The following MGAT4C variants were observed in gnomAD, a reference collection of about 807,000 sequenced individuals.
MGAT4C encodes alpha-1,3-mannosyl-glycoprotein 4-beta-N-acetylglucosaminyltransferase C.
A neutral mutation model predicts 40.1 loss-of-function variants in MGAT4C; 19 were observed. That is an observed-to-expected ratio of 0.47 (90% CI 0.33 to 0.70). MGAT4C has a LOEUF of 0.70. Ranked by LOEUF, MGAT4C falls within the 30% of genes least tolerant of loss-of-function variation. The pLI is 0.02. For synonymous variants in MGAT4C, 181 were observed against 187.1 expected (o/e 0.97, Z 0.27); for missense variants, 491 against 563.2 (o/e 0.87, Z 1.30).
intron 2 of MGAT4C, among the ~76,000 whole-genome samples, chr12:86,506,580 A>T (rs907055903): frequency 2.0e-5 from 3 of 152,216 alleles, no homozygotes; most frequent in Non-Finnish European, 4.4e-5. Flanking sequence ...GAAGATAATT[A>T]GACATTAATG....
At chr12:86,377,573 GTTTTAA>G (rs1955853592) in intron 3 of MGAT4C, among the ~76,000 whole-genome samples, 1 of 152,112 alleles carries the variant, frequency 6.6e-6, no homozygotes, top group African/African-American at 2.4e-5. Context: ...TCTTAACGAT[GTTTTAA>G]TTTTAACAGT....
At chr12:86,200,720 G>A (rs1950021067) in intron 1 of MGAT4C, among the ~76,000 whole-genome samples, 1 of 152,142 alleles carries the variant, frequency 6.6e-6, no homozygotes, top group Non-Finnish European at 1.5e-5. Flanking sequence ...GAGAGATGGT[G>A]TTACGGGCTG....
intron 3 of MGAT4C, among the ~76,000 whole-genome samples, chr12:86,343,396 C>A (rs1440844828): frequency 6.6e-6 from 1 of 152,154 alleles, no homozygotes; most frequent in Non-Finnish European, 1.5e-5. Context: ...AAGCATTTTT[C>A]TCCTCCCTTA....
At chr12:85,996,083 C>T (rs1204095976) in intron 2 of MGAT4C, among the ~76,000 whole-genome samples, 1 of 151,992 alleles carries the variant, frequency 6.6e-6, no homozygotes, top group East Asian at 1.9e-4. Context: ...ATCACAATAT[C>T]CAGGATCCAG....
chr12:86,602,620 A>C (rs76366693), intron 2 of MGAT4C, among the ~76,000 whole-genome samples: 6,801 of 152,242 alleles, frequency 0.045, 393 homozygotes, highest in East Asian at 0.25. Context: ...GCAATTTCCA[A>C]CCCTAAAAGT....
chr12:86,559,256 T>C (rs1212986017), intron 2 of MGAT4C, among the ~76,000 whole-genome samples: 2 of 151,920 alleles, frequency 1.3e-5, no homozygotes, highest in East Asian at 3.9e-4. Context: ...ATTGAACAGA[T>C]TAGGTATGCA....
chr12:86,276,864 T>C (rs2136113292), intron 4 of MGAT4C, among the ~76,000 whole-genome samples: 1 of 152,366 alleles, frequency 6.6e-6, no homozygotes, highest in South Asian at 2.1e-4. Context: ...CCTCCAAATC[T>C]TGGCTATTAT....
intron 1 of MGAT4C, among the ~76,000 whole-genome samples, chr12:86,157,951 AT>A (rs1429795223): frequency 2.0e-5 from 3 of 152,220 alleles, no homozygotes; most frequent in Non-Finnish European, 4.4e-5. Flanking sequence ...CAATTCAGTA[AT>A]AAAGAATATT....
chr12:86,207,483 C>T (rs927448064), intron 1 of MGAT4C, among the ~76,000 whole-genome samples: 2 of 151,666 alleles, frequency 1.3e-5, no homozygotes, highest in African/African-American at 4.8e-5. Flanking sequence ...ATGTTCTCCT[C>T]CCTGTGTCCA....
chr12:86,604,769 AAAG>A (rs1215709176), intron 2 of MGAT4C, among the ~76,000 whole-genome samples: 1 of 152,184 alleles, frequency 6.6e-6, no homozygotes, highest in African/African-American at 2.4e-5. Flanking sequence ...CTGAAGAACA[AAAG>A]AAACACATAA....
chr12:86,206,805 A>G (rs1284650808), intron 1 of MGAT4C, among the ~76,000 whole-genome samples: 1 of 152,166 alleles, frequency 6.6e-6, no homozygotes, highest in East Asian at 1.9e-4. Context: ...CATATCCCAT[A>G]TTCATACTCA....
At chr12:85,980,605 G>C (rs1592595784) in intron 4 of MGAT4C, among the ~76,000 whole-genome samples, 175 bp from the exon 5 acceptor site, 1 of 152,038 alleles carries the variant, frequency 6.6e-6, no homozygotes, top group East Asian at 1.9e-4. Flanking sequence ...TATAAAGGCT[G>C]TAAGTGCTTA....
chr12:86,291,366 T>G (rs1414411312), intron 4 of MGAT4C, among the ~76,000 whole-genome samples: 1 of 152,206 alleles, frequency 6.6e-6, no homozygotes, highest in Non-Finnish European at 1.5e-5. Context: ...AAATAGATAT[T>G]TTTAATGTGT....
chr12:86,077,926 A>C (rs1291744159), intron 1 of MGAT4C, among the ~76,000 whole-genome samples: 2 of 152,206 alleles, frequency 1.3e-5, no homozygotes, highest in Non-Finnish European at 2.9e-5. Context: ...GAAGGAGCCC[A>C]AAATGTCCAG....
chr12:86,663,378 G>C (rs1354707108), intron 2 of MGAT4C, among the ~76,000 whole-genome samples: 2 of 135,654 alleles, frequency 1.5e-5, no homozygotes, highest in African/African-American at 3.2e-5. Context: ...AAAAAAAAGA[G>C]GAAATAAAGA....
At chr12:86,767,829 A>G (rs934957584) in intron 1 of MGAT4C, among the ~76,000 whole-genome samples, 4 of 152,224 alleles carry the variant, frequency 2.6e-5, no homozygotes, top group Admixed American at 2.6e-4. Context: ...CTTCATGCTA[A>G]AAACTCTCAG....
intron 2 of MGAT4C, among the ~76,000 whole-genome samples, chr12:86,553,641 C>A (rs1007554738): frequency 1.3e-5 from 2 of 152,074 alleles, no homozygotes; most frequent in African/African-American, 4.8e-5. Flanking sequence ...CCTGATGACA[C>A]CAGTTTACCT....
intron 4 of MGAT4C, among the ~76,000 whole-genome samples, chr12:86,320,194 A>C (rs1481548850): frequency 6.6e-6 from 1 of 152,062 alleles, no homozygotes; most frequent in Non-Finnish European, 1.5e-5. Context: ...TAATCTGATA[A>C]TCCTGTCTGA....
At chr12:86,304,902 G>A (rs889332055) in intron 4 of MGAT4C, among the ~76,000 whole-genome samples, 1 of 150,602 alleles carries the variant, frequency 6.6e-6, no homozygotes, top group Admixed American at 6.6e-5. Flanking sequence ...CTCCTCTACA[G>A]GTTTCAAGAG....
Sources: gnomAD v4.1 joint callset for allele counts (sites outside exome capture counted in the v4.1 genomes callset) on GRCh38, gnomAD v4.1.1 for gene constraint, MANE v1.5 for transcripts, NCBI Gene and HGNC (gene_info 2026-07-23, HGNC 2026-07-21) for gene names.